AMOTL1: variants seen among roughly 807,000 people sequenced by gnomAD.
AMOTL1 encodes angiomotin-like protein 1.
AMOTL1 carries 45 observed loss-of-function variants against 102.9 expected under a neutral mutation model. The observed-to-expected ratio is 0.44, with a 90% CI of 0.34 to 0.56. The LOEUF (loss-of-function observed/expected upper bound fraction) is 0.56. AMOTL1 is among the 20% of genes least tolerant of loss of function. AMOTL1 has a pLI of 0.01. For missense variants in AMOTL1, 1,114 were observed against 1,225.6 expected, an observed-to-expected ratio of 0.91 and a Z score of 1.36; for synonymous variants, 481 against 484.7, an observed-to-expected ratio of 0.99 and a Z score of 0.10.
In AMOTL1 at chr11:94,770,518, A is replaced by G. The variant is rs140951730; in HGVS notation, c.49+1958A>G. ...GTGCACTTTTGTTTTTCTGTGATGC[A>G]TTTTTCAAGATAAATAAGGAAACCT... On this transcript the variant is annotated intron_variant, in intron 1 of 12. Transcript: ENST00000433060. 7.3e-4 allele frequency among the ~76,000 whole-genome samples: 111 copies of G among 152,156 alleles called. 2 individuals carry two copies. The East Asian group carries it at 0.02, about 27-fold the overall frequency.
intron 8 of AMOTL1, among the ~76,000 whole-genome samples, chr11:94,857,626 A>G (rs1952694396): frequency 6.6e-6 from 1 of 152,264 alleles, no homozygotes; most frequent in Non-Finnish European, 1.5e-5. Flanking sequence ...TCACTTTTAC[A>G]AAGAGCTCAA....
Position 94,859,515 on chromosome 11 carries a change from A to G in AMOTL1, c.1945-10A>G, listed in dbSNP as rs1565384890. 5 of 1,602,400 alleles carry G rather than the reference A, an allele frequency of 3.1e-6. No individual in the cohort carries two copies. Among genetic ancestry groups the G allele is most frequent in the Non-Finnish European group, 4.3e-6 (5 of 1,174,222 alleles). ...TTTTGAGCATCAAGATTTTTTTTCTACTCCTTCAGAAACATGGAAATGGCC... is the reference window on the plus strand; with the variant it reads ...TTTTGAGCATCAAGATTTTTTTTCTGCTCCTTCAGAAACATGGAAATGGCC... On this transcript the variant is annotated splice_polypyrimidine_tract_variant and intron_variant, in intron 8 of 12. Transcript: ENST00000433060.
At chr11:94,858,823 G>A (rs1357915586) in intron 8 of AMOTL1, among the ~76,000 whole-genome samples, 1 of 152,192 alleles carries the variant, frequency 6.6e-6, no homozygotes, top group Non-Finnish European at 1.5e-5. Flanking sequence ...AAAAGATTCT[G>A]AAGTATGAAC....
intron 8 of AMOTL1, among the ~76,000 whole-genome samples, chr11:94,857,410 G>C (rs574387054): frequency 1.3e-5 from 2 of 152,168 alleles, no homozygotes; most frequent in Admixed American, 6.5e-5. Flanking sequence ...TTATTGAAGG[G>C]GGGTGGAGAG....
At position 94,875,205 on chromosome 11, in the gene AMOTL1, C is replaced by T. The variant is rs1592059267; in HGVS notation, c.*4410C>T. On this transcript the variant is annotated 3_prime_UTR_variant, in exon 13 of 13. Coordinates refer to ENST00000433060, the MANE Select transcript of AMOTL1 (RefSeq NM_130847.3). ...ATGAGTTTGCCTCTGACGTGTGGCT[C>T]CATGGGAGATAGGCAAAGTAATTAA... 5 of 152,162 alleles carry T rather than the reference C, an allele frequency of 3.3e-5. No individual in the cohort carries two copies. The East Asian group carries it at 9.6e-4, about 29-fold the overall frequency. The allele number at this position is 152,162 out of a possible 1,614,324, so 9.4% of individuals were successfully genotyped here.
chr11:94,726,563 C>T (rs949226939), intron 1 of AMOTL1, among the ~76,000 whole-genome samples: 22 of 125,676 alleles, frequency 1.8e-4, no homozygotes, highest in Non-Finnish European at 3.6e-4. Context: ...TTTGTGCTGT[C>T]ATTAGAAAGT....
intron 3 of AMOTL1, among the ~76,000 whole-genome samples, chr11:94,762,435 A>G (rs1029580760): frequency 1.1e-4 from 16 of 152,216 alleles, no homozygotes; most frequent in African/African-American, 3.6e-4. Context: ...ACTGGCATCT[A>G]GTGGGTAGAG....
At position 94,869,272 on chromosome 11, in the gene AMOTL1, TCCTCCATAG is replaced by T. The variant is rs768480278; in HGVS notation, c.2570_2578del (p.Ile857_Ser859del). 32 of 1,613,076 alleles carry T rather than the reference TCCTCCATAG, an allele frequency of 2.0e-5. No individual in the cohort carries two copies. Among genetic ancestry groups the T allele is most frequent in the African/African-American group, 2.7e-5 (2 of 74,984 alleles). On this transcript the variant is annotated inframe_deletion, in exon 12 of 13. Transcript: ENST00000433060. ...GCCACCCCCACCCACCTCAGCACTG[TCCTCCATAG>T]CCTCCACTACGGCAGCCAGCAGTGC... is the stretch of plus-strand genomic sequence containing the variant.
chr11:94,798,251 A>G (rs1400921070), intron 2 of AMOTL1, among the ~76,000 whole-genome samples: 2 of 152,198 alleles, frequency 1.3e-5, no homozygotes, highest in African/African-American at 4.8e-5. Flanking sequence ...ACACATGGAG[A>G]GAATTTAGTA....
intron 3 of AMOTL1, among the ~76,000 whole-genome samples, chr11:94,755,405 C>T (rs1326762819): frequency 1.3e-5 from 2 of 152,198 alleles, no homozygotes; most frequent in African/African-American, 4.8e-5. Context: ...CTTAATGCAC[C>T]ATCACTCAGC....
At chr11:94,787,303 A>C (rs1243049191) in intron 1 of AMOTL1, among the ~76,000 whole-genome samples, 1 of 152,130 alleles carries the variant, frequency 6.6e-6, no homozygotes, top group African/African-American at 2.4e-5. Flanking sequence ...TAGATGAAGA[A>C]GACATCGGGG....
intron 8 of AMOTL1, among the ~76,000 whole-genome samples, chr11:94,858,913 G>A (rs938501897): frequency 1.8e-4 from 27 of 152,170 alleles, no homozygotes; most frequent in Non-Finnish European, 1.5e-5. Context: ...AAATGAGCTT[G>A]CCTTATGCTA....
At position 94,870,690 on chromosome 11, in the gene AMOTL1, G is replaced by T. The variant is rs775836171; in HGVS notation, c.2766G>T (p.Glu922Asp). 7.5e-6 allele frequency: 12 copies of T among 1,594,004 alleles called. No homozygotes were observed. The highest frequency in any genetic ancestry group is 9.4e-6 in the Non-Finnish European group (11 of 1,168,956). The change falls in exon 13 of 13, where the codon GAG becomes GAT. Residue 922 changes from glutamate to aspartate, a missense_variant and splice_region_variant. Glu to Asp is a conservative substitution (Grantham distance 45, BLOSUM62 2). Coordinates refer to ENST00000433060, the MANE Select transcript of AMOTL1 (RefSeq NM_130847.3). Reference protein sequence around the residue: ...PAAKGTAEKLENSPGHGKSPD... With the variant: ...PAAKGTAEKLDNSPGHGKSPD... The stretch of plus-strand genomic sequence containing the variant: ...TGATGTTTCCCCTCTATTTGGCAGA[G>T]AACTCTCCTGGCCATGGGAAGTCGC...
At chr11:94,774,954 T>C (rs563374394) in intron 1 of AMOTL1, among the ~76,000 whole-genome samples, 3 of 152,344 alleles carry the variant, frequency 2.0e-5, no homozygotes, top group South Asian at 4.1e-4. Context: ...GACTTTTTCT[T>C]CTATCATTTG....
At chr11:94,726,321 ATACCTAGG>A (rs1320659069) in intron 1 of AMOTL1, among the ~76,000 whole-genome samples, 7 of 152,176 alleles carry the variant, frequency 4.6e-5, no homozygotes, top group Non-Finnish European at 1.0e-4. Context: ...ATGAGATCTA[ATACCTAGG>A]TAGAGTCTTC....
chr11:94,835,474 C>T (rs185058839), intron 6 of AMOTL1, among the ~76,000 whole-genome samples: 94 of 152,266 alleles, frequency 6.2e-4, no homozygotes, highest in African/African-American at 2.1e-3. Flanking sequence ...AAATGGATAG[C>T]GCTGCAGAAT....
intron 8 of AMOTL1, among the ~76,000 whole-genome samples, chr11:94,856,572 TC>T (rs1952670795): frequency 6.6e-6 from 1 of 152,232 alleles, no homozygotes; most frequent in Admixed American, 6.5e-5. Context: ...TCTGATCCCC[TC>T]CTCCTCATTC....
intron 7 of AMOTL1, among the ~76,000 whole-genome samples, chr11:94,851,565 T>TG (rs913038523): frequency 3.3e-5 from 5 of 152,214 alleles, no homozygotes; most frequent in Non-Finnish European, 2.9e-5. Flanking sequence ...TAATTTACCA[T>TG]GATGGGTAAG....
chr11:94,749,686 G>T (rs1424520562), intron 3 of AMOTL1, among the ~76,000 whole-genome samples: 1 of 152,142 alleles, frequency 6.6e-6, no homozygotes, highest in African/African-American at 2.4e-5. Flanking sequence ...TCTATTTCCT[G>T]ATAGGACGCT....
Sources: gnomAD v4.1 joint callset for allele counts (sites outside exome capture counted in the v4.1 genomes callset) on GRCh38, gnomAD v4.1.1 for gene constraint, MANE v1.5 for transcripts, NCBI Gene and HGNC (gene_info 2026-07-23, HGNC 2026-07-21) for gene names.